MDH1: variants seen among roughly 807,000 people sequenced by gnomAD.
MDH1 encodes the protein malate dehydrogenase, cytoplasmic.
MDH1 carries 15 observed loss-of-function variants against 38.7 expected under a neutral mutation model. The observed-to-expected ratio is 0.39, with a 90% CI of 0.26 to 0.60. The LOEUF is 0.60. MDH1 is among the 20% of genes least tolerant of loss of function. MDH1 has a pLI of 0.56. For missense variants in MDH1, 368 were observed against 405.2 expected (o/e 0.91, Z 0.79); for synonymous variants, 144 against 143.6 (o/e 1.00, Z -0.02).
intron 5 of MDH1, among the ~76,000 whole-genome samples, chr2:63,603,824 A>C (rs1335602800): frequency 2.0e-5 from 3 of 152,038 alleles, no homozygotes; most frequent in Non-Finnish European, 4.4e-5. Flanking sequence ...AGCCCGGCTA[A>C]CTTTGTATTT....
At chr2:63,603,786 T>C (rs1404477818) in intron 5 of MDH1, among the ~76,000 whole-genome samples, 2 of 151,618 alleles carry the variant, frequency 1.3e-5, no homozygotes, top group African/African-American at 4.9e-5. Flanking sequence ...GCCTCCCAAG[T>C]AGCTGGGATT....
In MDH1 at chr2:63,605,984, G is replaced by A; in HGVS notation, c.835G>A (p.Gly279Ser). The A allele has an allele frequency of 6.2e-7, 1 of 1,614,166 alleles. No individual in the cohort carries two copies. Among genetic ancestry groups the A allele is most frequent in the South Asian group, 1.1e-5 (1 of 91,076 alleles). ...TGTTATCTCTGATGGCAACTCCTAT[G>A]GTGTTCCTGATGATCTGCTCTACTC... is the stretch of plus-strand genomic sequence containing the variant. ...MGVISDGNSY[G>S]VPDDLLYSFP... is the part of the protein sequence containing the mutation. Residue 279 changes from glycine (G) to serine (S), a missense_variant, in exon 8 of 9, where the codon GGT (glycine) becomes AGT (serine). Transcript: ENST00000233114.
intron 5 of MDH1, among the ~76,000 whole-genome samples, chr2:63,601,992 A>G (rs1042466885): frequency 1.3e-5 from 2 of 152,226 alleles, no homozygotes; most frequent in Admixed American, 6.5e-5. Flanking sequence ...ACTCTACCCT[A>G]TCCCACAGGC....
chr2:63,598,857 CA>C (rs1709365859), intron 4 of MDH1, among the ~76,000 whole-genome samples: 1 of 117,128 alleles, frequency 8.5e-6, no homozygotes, highest in Admixed American at 1.0e-4. Context: ...TACTTAGAGA[CA>C]ATGAAGTATC....
chr2:63,597,299 T>TG (rs1157833734), intron 3 of MDH1, 100 bp from the exon 4 acceptor site: 19 of 1,272,018 alleles, frequency 1.5e-5, no homozygotes, highest in Non-Finnish European at 1.9e-5. Context: ...TGTAAACACT[T>TG]GCAACAAGTG....
At chr2:63,589,425 TCTC>T (rs1472021436) in intron 1 of MDH1, 7 of 1,529,162 alleles carry the variant, frequency 4.6e-6, no homozygotes, top group African/African-American at 1.4e-5. Flanking sequence ...AACCCCTTTT[TCTC>T]CTCATTTGCC....
At chr2:63,590,499 A>T (rs912608822) in intron 1 of MDH1, 1 of 152,248 alleles carries the variant, frequency 6.6e-6, no homozygotes, top group Admixed American at 6.5e-5. Flanking sequence ...TGAAGTTACC[A>T]GTTCATACTG....
Position 63,595,474 on chromosome 2 carries a change from G to GGT in MDH1, c.157_158dup (p.Leu54SerfsTer2), listed in dbSNP as rs1558859719. 1 of 1,613,530 alleles carries GGT rather than the reference G, an allele frequency of 6.2e-7. No individual in the cohort carries two copies. Among genetic ancestry groups the GGT allele is most frequent in the Admixed American group, 1.7e-5 (1 of 60,004 alleles). ...CACCCCCATGATGGGTGTCCTGGAC[G>GGT]GTGTCCTAATGGAACTGCAAGACTG... On this transcript the variant is annotated frameshift_variant, in exon 3 of 9. Transcript: ENST00000233114. LOFTEE classifies it high-confidence loss of function.
At chr2:63,589,239 G>T (rs1440416720) in intron 1 of MDH1, 193 bp downstream of exon 1, 1 of 1,556,164 alleles carries the variant, frequency 6.4e-7, no homozygotes, top group Non-Finnish European at 8.7e-7. Context: ...CCACCTTGCG[G>T]GGTATGGGGC....
chr2:63,594,231 G>C (rs1709258743), intron 1 of MDH1: 1 of 565,914 alleles, frequency 1.8e-6, no homozygotes, highest in African/African-American at 1.9e-5. Context: ...TATTTTAGTG[G>C]TAAAATATCC....
chr2:63,593,434 T>A (rs1032053208), intron 1 of MDH1: 2 of 393,244 alleles, frequency 5.1e-6, no homozygotes, highest in Non-Finnish European at 1.0e-5. Context: ...CTTTGACTTC[T>A]ATGAGTGAGT....
intron 1 of MDH1, chr2:63,589,381 T>C (rs1322200217): frequency 6.4e-7 from 1 of 1,550,574 alleles, no homozygotes; most frequent in Non-Finnish European, 8.7e-7. Context: ...ATAAGGACGA[T>C]AAGGTTTGCG....
intron 3 of MDH1, among the ~76,000 whole-genome samples, chr2:63,596,916 A>T (rs10865341): frequency 0.81 from 123,147 of 151,786 alleles, 50,772 homozygotes; most frequent in East Asian, 0.98. Flanking sequence ...CTATAAAATC[A>T]GAAGATTAAA....
At chr2:63,595,586 T>C in intron 3 of MDH1, 67 bp downstream of exon 3, 1 of 975,104 alleles carries the variant, frequency 1.0e-6, no homozygotes, top group Non-Finnish European at 1.6e-6. Flanking sequence ...GTTTTAGGTT[T>C]TTGTTAAAGG....
At position 63,605,285 on chromosome 2, in the gene MDH1, G is replaced by A; in HGVS notation, c.681G>A (p.Val227=). ...TTCACCTGCCCCCTTCCCAGACTGT[G>A]CAGCAGCGTGGCGCTGCTGTCATCA... ...SWLKGEFVTT[V]QQRGAAVIKA... is the part of the protein sequence containing the mutation. The change falls in exon 7 of 9, where the codon GTG becomes GTA. Residue 227 remains valine (V), a synonymous_variant. Coordinates refer to ENST00000233114, the MANE Select transcript of MDH1 (RefSeq NM_005917.4). The A allele has an allele frequency of 1.2e-6, 2 of 1,604,398 alleles. No individual in the cohort carries two copies. The highest frequency in any genetic ancestry group is 1.7e-6 in the Non-Finnish European group (2 of 1,171,126).
intron 4 of MDH1, 111 bp downstream of exon 4, chr2:63,597,685 T>G: frequency 1.0e-6 from 1 of 974,816 alleles, no homozygotes; most frequent in Non-Finnish European, 1.4e-6. Context: ...TTCTGTACAA[T>G]CATCAGTAAA....
At chr2:63,605,529 C>G (rs1324736738) in intron 7 of MDH1, 136 bp downstream of exon 7, 2 of 669,616 alleles carry the variant, frequency 3.0e-6, no homozygotes, top group Non-Finnish European at 5.2e-6. Flanking sequence ...AACAAGTAAA[C>G]TTCGGGGTTT....
At chr2:63,597,367 G>C in intron 3 of MDH1, 32 bp from the exon 4 acceptor site, 1 of 1,333,336 alleles carries the variant, frequency 7.5e-7, no homozygotes, top group Non-Finnish European at 9.7e-7. Flanking sequence ...TGATGTTTAA[G>C]TAGCTCTGCG....
intron 1 of MDH1, 165 bp downstream of exon 1, chr2:63,589,211 A>C: frequency 6.3e-7 from 1 of 1,577,448 alleles, no homozygotes; most frequent in East Asian, 2.3e-5. Flanking sequence ...TGACCCAGTA[A>C]TGGGAAGGGA....
Sources: gnomAD v4.1 joint callset for allele counts (sites outside exome capture counted in the v4.1 genomes callset) on GRCh38, gnomAD v4.1.1 for gene constraint, MANE v1.5 for transcripts, NCBI Gene and HGNC (gene_info 2026-07-23, HGNC 2026-07-21) for gene names.